The following FBN2 variants were observed in gnomAD, a reference collection of about 807,000 sequenced individuals.
FBN2 encodes fibrillin-2.
FBN2 carries 105 observed loss-of-function variants against 355.6 expected under a neutral mutation model. The observed-to-expected ratio is 0.30, with a 90% CI of 0.25 to 0.35. The LOEUF (loss-of-function observed/expected upper bound fraction) is 0.35, where lower values mean the gene tolerates loss of function less well. Among genes scored for constraint, FBN2 ranks in the 10% least tolerant of loss-of-function variants. FBN2 has a pLI of 1.00. For missense variants in FBN2, 3,280 were observed against 3,758.7 expected (o/e 0.87, Z 3.33); for synonymous variants, 1,350 against 1,301.2 (o/e 1.04, Z -0.81).
rs982288060 is a variant in FBN2, at chr5:128,274,622, C to A, written c.7656G>T (p.Gly2552=). The change falls in exon 60 of 65, where the codon GGG becomes GGT. Residue 2552 remains glycine (G), a synonymous_variant. Coordinates refer to ENST00000262464, the MANE Select transcript of FBN2 (RefSeq NM_001999.4). ...CAGGTGGACATTTACAGGTAAACCC[C>A]CCCAGGGTGTTGACACAGAGGAACT... ...NCQFLCVNTL[G]GFTCKCPPGF... is the part of the protein sequence containing the mutation. 1.1e-5 allele frequency: 17 copies of A among 1,613,484 alleles called. No homozygotes were observed. The highest frequency in any genetic ancestry group is 1.4e-5 in the Non-Finnish European group (17 of 1,179,588).
intron 5 of FBN2, among the ~76,000 whole-genome samples, chr5:128,480,005 TATATATATATATATATATGTATATAC>T (rs1375454246): frequency 2.3e-5 from 2 of 85,598 alleles, no homozygotes; most frequent in African/African-American, 9.5e-5. Flanking sequence ...TATATATATA[TATATATATATATATATATGTATATAC>T]ACACACACAC....
chr5:128,413,916 T>A (rs768962352), intron 7 of FBN2, among the ~76,000 whole-genome samples: 5 of 152,190 alleles, frequency 3.3e-5, no homozygotes, highest in Admixed American at 3.3e-4. Context: ...GAACTTCCAC[T>A]TATTCGTATA....
intron 7 of FBN2, among the ~76,000 whole-genome samples, chr5:128,417,890 G>A (rs1753244906): frequency 6.6e-6 from 1 of 152,102 alleles, no homozygotes; most frequent in Non-Finnish European, 1.5e-5. Context: ...GGAATAGTTT[G>A]AGGAGAATTG....
At chr5:128,387,160 T>C (rs956606498) in intron 11 of FBN2, among the ~76,000 whole-genome samples, 8 of 152,188 alleles carry the variant, frequency 5.3e-5, no homozygotes, top group Admixed American at 2.6e-4. Flanking sequence ...TCTTCCTGGC[T>C]CAATCTTGGG....
At chr5:128,295,791 A>C (rs1290513669) in intron 48 of FBN2, among the ~76,000 whole-genome samples, 2 of 136,836 alleles carry the variant, frequency 1.5e-5, no homozygotes, top group Non-Finnish European at 3.1e-5. Flanking sequence ...AACAGGGACA[A>C]TTTGACTTCC....
At chr5:128,387,691 T>C (rs1236542523) in intron 11 of FBN2, among the ~76,000 whole-genome samples, 1 of 152,064 alleles carries the variant, frequency 6.6e-6, no homozygotes, top group Non-Finnish European at 1.5e-5. Context: ...AATTTTATTA[T>C]GCTGTGGTCT....
intron 7 of FBN2, among the ~76,000 whole-genome samples, chr5:128,426,840 G>T (rs1753495575): frequency 6.6e-6 from 1 of 152,104 alleles, no homozygotes; most frequent in South Asian, 2.1e-4. Flanking sequence ...CTTGATTATG[G>T]AGCTATAATC....
intron 32 of FBN2, among the ~76,000 whole-genome samples, chr5:128,331,450 C>G (rs1327432883): frequency 6.6e-6 from 1 of 152,018 alleles, no homozygotes; most frequent in African/African-American, 2.4e-5. Flanking sequence ...GCAGAATGCA[C>G]CAGACAGAGG....
intron 50 of FBN2, among the ~76,000 whole-genome samples, 176 bp from the exon 51 acceptor site, chr5:128,290,123 A>G (rs1311046048): frequency 3.3e-5 from 5 of 152,200 alleles, no homozygotes; most frequent in Non-Finnish European, 5.9e-5. Flanking sequence ...AGTGAGGGCC[A>G]CCTTCTAGGG....
At chr5:128,318,711 C>T (rs1383562564) in intron 35 of FBN2, among the ~76,000 whole-genome samples, 168 bp downstream of exon 35, 1 of 152,114 alleles carries the variant, frequency 6.6e-6, no homozygotes, top group African/African-American at 2.4e-5. Flanking sequence ...AAAAATGCAT[C>T]AATTCCATAG....
intron 5 of FBN2, among the ~76,000 whole-genome samples, chr5:128,473,797 G>A (rs544532392): frequency 6.6e-6 from 1 of 152,164 alleles, no homozygotes; most frequent in African/African-American, 2.4e-5. Flanking sequence ...TTACACCAGG[G>A]AGAAATTATC....
intron 21 of FBN2, 33 bp from the exon 22 acceptor site, chr5:128,350,038 T>C (rs745309167): frequency 1.3e-6 from 2 of 1,560,624 alleles, no homozygotes; most frequent in Non-Finnish European, 1.8e-6. Flanking sequence ...TTTACTTCAT[T>C]ATAGAATAAA....
chr5:128,452,475 A>C (rs1472131460), intron 6 of FBN2, among the ~76,000 whole-genome samples: 2 of 152,118 alleles, frequency 1.3e-5, no homozygotes, highest in Non-Finnish European at 2.9e-5. Flanking sequence ...CTCCGTGTAA[A>C]CTTGTTCTAA....
intron 5 of FBN2, among the ~76,000 whole-genome samples, chr5:128,504,543 G>C (rs1174246223): frequency 2.0e-5 from 3 of 152,200 alleles, no homozygotes; most frequent in African/African-American, 4.8e-5. Context: ...GATCATTATG[G>C]AGCTTTAAGA....
At chr5:128,475,926 C>T (rs1754997131) in intron 5 of FBN2, among the ~76,000 whole-genome samples, 1 of 152,134 alleles carries the variant, frequency 6.6e-6, no homozygotes, top group South Asian at 2.1e-4. Flanking sequence ...GAAATGATAA[C>T]AACAGGAACT....
chr5:128,455,446 G>A (rs1754354806), intron 6 of FBN2, among the ~76,000 whole-genome samples: 1 of 152,080 alleles, frequency 6.6e-6, no homozygotes, highest in East Asian at 1.9e-4. Flanking sequence ...CACGCTAGGA[G>A]GGCACACCTT....
At chr5:128,520,103 C>T (rs563246623) in intron 4 of FBN2, among the ~76,000 whole-genome samples, 34 of 152,210 alleles carry the variant, frequency 2.2e-4, no homozygotes, top group Admixed American at 3.3e-4. Context: ...TGCTGACAAA[C>T]ACACAGCACA....
At chr5:128,410,080 C>T (rs1327262362) in intron 7 of FBN2, among the ~76,000 whole-genome samples, 1 of 152,114 alleles carries the variant, frequency 6.6e-6, no homozygotes, top group Non-Finnish European at 1.5e-5. Context: ...ATAATATCTT[C>T]ATTTGAGGCT....
chr5:128,420,143 T>C (rs1466231396), intron 7 of FBN2, among the ~76,000 whole-genome samples: 4 of 152,190 alleles, frequency 2.6e-5, no homozygotes, highest in Admixed American at 2.6e-4. Flanking sequence ...GTTAAATTCT[T>C]ATTTTACTTG....
Sources: allele counts gnomAD v4.1 joint callset (sites outside exome capture counted in the v4.1 genomes callset), GRCh38; gene constraint gnomAD v4.1.1; transcripts MANE v1.5; gene names NCBI Gene and HGNC (gene_info 2026-07-23, HGNC 2026-07-21).